PCBP3: variants seen among roughly 807,000 people sequenced by gnomAD.
PCBP3 encodes the protein poly(rC)-binding protein 3.
In PCBP3, 25 loss-of-function variants were observed where a neutral mutation model predicts 52.7. The ratio of observed to expected loss-of-function variants is 0.47; its 90% CI spans 0.35 to 0.66. PCBP3 has a LOEUF of 0.66. Among genes scored for constraint, PCBP3 ranks in the 30% least tolerant of loss-of-function variants. PCBP3 has a pLI of 0.01. For missense variants in PCBP3, 391 were observed against 490.3 expected (o/e 0.80, Z 1.91); for synonymous variants, 162 against 183.0 (o/e 0.89, Z 0.93).
At chr21:45,757,895 T>C (rs999698849) in intron 4 of PCBP3, among the ~76,000 whole-genome samples, 1 of 151,980 alleles carries the variant, frequency 6.6e-6, no homozygotes, top group Non-Finnish European at 1.5e-5. Context: ...ATATTCTTTT[T>C]TTTTTTTTTG....
intron 2 of PCBP3, among the ~76,000 whole-genome samples, chr21:45,696,235 G>A (rs1346845523): frequency 6.6e-6 from 1 of 152,036 alleles, no homozygotes; most frequent in African/African-American, 2.4e-5. Context: ...CGCTGCTAGA[G>A]GAAAATATGG....
At chr21:45,655,365 A>G (rs1255451725) in intron 1 of PCBP3, among the ~76,000 whole-genome samples, 1 of 152,038 alleles carries the variant, frequency 6.6e-6, no homozygotes, top group African/African-American at 2.4e-5. Flanking sequence ...ATGCTGCACC[A>G]TTTTATATTC....
rs188500183 is a variant in PCBP3, at chr21:45,657,338, T to C, written c.-278-11536T>C. Among the ~76,000 whole-genome samples the C allele has an allele frequency of 5.0e-3, 767 of 152,316 alleles. 1 individual carries two copies. Among genetic ancestry groups the C allele is most frequent in the Non-Finnish European group, 7.7e-3 (527 of 68,026 alleles). ...TGCGTTTTGAGTTAATTTTTGTCTA[T>C]GGTATGAAGGAGGAGTTTAACTTCA... On this transcript the variant is annotated intron_variant, in intron 1 of 17. Transcript: ENST00000681687.
At chr21:45,775,038 A>G (rs1301582022) in intron 4 of PCBP3, among the ~76,000 whole-genome samples, 3 of 152,088 alleles carry the variant, frequency 2.0e-5, no homozygotes, top group Non-Finnish European at 2.9e-5. Flanking sequence ...ATGAATTAGG[A>G]AGATTTCCCT....
At chr21:45,671,231 G>A (rs1468375283) in intron 2 of PCBP3, among the ~76,000 whole-genome samples, 2 of 152,166 alleles carry the variant, frequency 1.3e-5, no homozygotes, top group African/African-American at 4.8e-5. Context: ...CCTTCGCCTT[G>A]GCACACCCTT....
intron 10 of PCBP3, among the ~76,000 whole-genome samples, chr21:45,910,253 T>C (rs1348441882): frequency 4.0e-5 from 4 of 99,246 alleles, no homozygotes; most frequent in South Asian, 3.8e-4. Flanking sequence ...CACCCACTGC[T>C]CACCTATGGA....
chr21:45,726,150 G>C (rs1401984748), intron 2 of PCBP3, among the ~76,000 whole-genome samples: 1 of 152,136 alleles, frequency 6.6e-6, no homozygotes, highest in African/African-American at 2.4e-5. Flanking sequence ...CGAGGGGCCT[G>C]AGCAACTCAG....
intron 2 of PCBP3, among the ~76,000 whole-genome samples, chr21:45,729,921 T>C (rs1414531632): frequency 1.3e-5 from 2 of 152,076 alleles, no homozygotes. Context: ...CTACCATGCC[T>C]GGTTAATGTA....
In PCBP3 at chr21:45,808,146, T is replaced by TA. The variant is rs572519225; in HGVS notation, c.-125-41814dup. Among the ~76,000 whole-genome samples the TA allele has an allele frequency of 2.1e-4, 32 of 152,174 alleles. No homozygotes were observed. In the East Asian group the frequency reaches 6.2e-3, roughly 29 times the overall value. Reference sequence around the variant, plus strand: ...CAGGACATAGGCATGGGCAAAGACTTATGACTAAAACCAAAAGCAATGGCA... The same window carrying TA: ...CAGGACATAGGCATGGGCAAAGACTTAATGACTAAAACCAAAAGCAATGGCA... On this transcript the variant is annotated intron_variant, in intron 4 of 17. Coordinates refer to ENST00000681687, the MANE Select transcript of PCBP3 (RefSeq NM_001384156.1).
At chr21:45,717,938 C>T (rs556222972) in intron 2 of PCBP3, among the ~76,000 whole-genome samples, 4 of 152,272 alleles carry the variant, frequency 2.6e-5, no homozygotes, top group East Asian at 1.9e-4. Flanking sequence ...TGGCAGAATA[C>T]GGTAGTAATG....
In PCBP3 at chr21:45,656,060, T is replaced by G. The variant is rs2079998124; in HGVS notation, c.-279+12192T>G. Among the ~76,000 whole-genome samples the G allele has an allele frequency of 6.6e-6, 1 of 152,200 alleles. No individual in the cohort carries two copies. The highest frequency in any genetic ancestry group is 1.5e-5 in the Non-Finnish European group (1 of 68,034). Reference sequence around the variant, plus strand: ...ACTTTTGGTGGGAGTATAAATTAGTTCAACCATTGTGGAAGACAGTGTGGC... The same window carrying G: ...ACTTTTGGTGGGAGTATAAATTAGTGCAACCATTGTGGAAGACAGTGTGGC... On this transcript the variant is annotated intron_variant, in intron 1 of 17. Coordinates refer to ENST00000681687, the MANE Select transcript of PCBP3 (RefSeq NM_001384156.1). The surrounding 1 kb of genome is among the most constrained non-coding windows in gnomAD (Gnocchi z 4.3).
chr21:45,893,112 G>A (rs982093904), intron 5 of PCBP3, among the ~76,000 whole-genome samples: 3 of 152,150 alleles, frequency 2.0e-5, no homozygotes, highest in Non-Finnish European at 4.4e-5. Context: ...CTCTAGGGAG[G>A]AGAAGTGCCG....
chr21:45,819,051 G>A (rs978182503), intron 4 of PCBP3, among the ~76,000 whole-genome samples: 1 of 152,214 alleles, frequency 6.6e-6, no homozygotes, highest in Admixed American at 6.5e-5. Context: ...TTTACTACAG[G>A]GAAAATACTC....
chr21:45,809,672 T>C (rs1364404423), intron 4 of PCBP3, among the ~76,000 whole-genome samples: 3 of 152,380 alleles, frequency 2.0e-5, no homozygotes, highest in Non-Finnish European at 2.9e-5. Context: ...GTGCGGCAGA[T>C]GCCAGCAGCT....
At chr21:45,877,854 C>T (rs1243791011) in intron 5 of PCBP3, among the ~76,000 whole-genome samples, 4 of 152,228 alleles carry the variant, frequency 2.6e-5, no homozygotes, top group Admixed American at 2.6e-4. Context: ...GGTACACCCC[C>T]CTGCCCCTCC....
At chr21:45,818,778 C>G (rs759476035) in intron 4 of PCBP3, among the ~76,000 whole-genome samples, 9 of 152,158 alleles carry the variant, frequency 5.9e-5, no homozygotes, top group Non-Finnish European at 1.2e-4. Flanking sequence ...CTTTAGTAGG[C>G]AAATGAATAC....
intron 2 of PCBP3, among the ~76,000 whole-genome samples, chr21:45,713,057 GA>G (rs1422481380): frequency 3.3e-5 from 5 of 152,126 alleles, no homozygotes; most frequent in African/African-American, 1.2e-4. Context: ...CATTTACACT[GA>G]ACTATTAATG....
intron 1 of PCBP3, among the ~76,000 whole-genome samples, chr21:45,653,549 T>C (rs1361692932): frequency 6.6e-6 from 1 of 152,198 alleles, no homozygotes; most frequent in Non-Finnish European, 1.5e-5. Flanking sequence ...AACATAGCCA[T>C]GCTAGATGTT....
rs2073703305 is a variant in PCBP3, at chr21:45,917,615, A to G, written c.703A>G (p.Ile235Val). 1 of 1,613,268 alleles carries G rather than the reference A, an allele frequency of 6.2e-7. No homozygotes were observed. Among genetic ancestry groups the G allele is most frequent in the Non-Finnish European group, 8.5e-7 (1 of 1,179,478 alleles). Reference protein sequence around the residue: ...QAYTIQGQYAIPHPDQLTKLH... With the variant: ...QAYTIQGQYAVPHPDQLTKLH... ...CTACACAATCCAGGGACAGTATGCC[A>G]TCCCTCACCCGGATGTGAGTCTTCA... The change falls in exon 13 of 18, where the codon ATC becomes GTC. Residue 235 changes from isoleucine to valine, a missense_variant. Coordinates refer to ENST00000681687, the MANE Select transcript of PCBP3 (RefSeq NM_001384156.1). The surrounding 1 kb of genome is among the most constrained non-coding windows in gnomAD (Gnocchi z 5.3).
Sources: gnomAD v4.1 joint callset for allele counts (sites outside exome capture counted in the v4.1 genomes callset) on GRCh38, gnomAD v4.1.1 for gene constraint, Gnocchi (gnomAD v3.1) non-coding constraint, MANE v1.5 for transcripts, NCBI Gene and HGNC (gene_info 2026-07-23, HGNC 2026-07-21) for gene names.